VWA3B: variants seen among roughly 807,000 people sequenced by gnomAD.
VWA3B encodes the protein von Willebrand factor A domain containing 3B.
Under a neutral mutation model 158.3 loss-of-function variants are expected in VWA3B, and 138 were observed. The ratio of observed to expected loss-of-function variants is 0.87; its 90% CI spans 0.76 to 1.00. The LOEUF (loss-of-function observed/expected upper bound fraction) is 1.00, where lower values mean the gene tolerates loss of function less well. Ranked by LOEUF, VWA3B falls within the 50% of genes least tolerant of loss-of-function variation. VWA3B has a pLI of 0.00. For missense variants in VWA3B, 1,555 were observed against 1,565.1 expected (o/e 0.99, Z 0.11); for synonymous variants, 596 against 587.3 (o/e 1.01, Z -0.21).
Position 98,217,844 on chromosome 2 carries a change from A to C in VWA3B, c.1837-2A>C, listed in dbSNP as rs769736875. On this transcript the variant is annotated splice_acceptor_variant, in intron 13 of 27. Coordinates refer to ENST00000477737, the MANE Select transcript of VWA3B (RefSeq NM_144992.5). LOFTEE classifies it high-confidence loss of function. ...CCCCATCCCCAAAACTTATCGTTTC[A>C]GCCACCTGAAACAGTTATAGACCAG... 1 of 1,573,280 alleles carries C rather than the reference A, an allele frequency of 6.4e-7. No individual in the cohort carries two copies. The highest frequency in any genetic ancestry group is 8.6e-7 in the Non-Finnish European group (1 of 1,165,176).
chr2:98,233,042 C>T (rs982480836), intron 16 of VWA3B, among the ~76,000 whole-genome samples: 4 of 152,210 alleles, frequency 2.6e-5, no homozygotes, highest in Non-Finnish European at 4.4e-5. Context: ...GGAGCAGCAT[C>T]GTACATGGGA....
chr2:98,237,300 GGTCAGA>G, intron 19 of VWA3B, among the ~76,000 whole-genome samples: 1 of 152,302 alleles, frequency 6.6e-6, no homozygotes, highest in South Asian at 2.1e-4. Flanking sequence ...GAAAACTCTA[GGTCAGA>G]GTCATGAGTG....
chr2:98,228,096 G>T, intron 14 of VWA3B, 106 bp from the exon 15 acceptor site: 1 of 1,312,146 alleles, frequency 7.6e-7, no homozygotes, highest in Non-Finnish European at 1.0e-6. Flanking sequence ...CAAGACCAGC[G>T]TGGGCAACAT....
At chr2:98,123,667 G>A (rs1675141930) in intron 5 of VWA3B, among the ~76,000 whole-genome samples, 1 of 152,172 alleles carries the variant, frequency 6.6e-6, no homozygotes, top group Non-Finnish European at 1.5e-5. Context: ...GGCAGCACGT[G>A]GGGTCCTGGG....
chr2:98,216,982 A>ACCCCCCCCCCCCCCCCCC (rs139373261), intron 13 of VWA3B: 1 of 972,856 alleles, frequency 1.0e-6, no homozygotes, highest in African/African-American at 1.8e-5. Context: ...CATTGTAAGC[A>ACCCCCCCCCCCCCCCCCC]CCCGCCCCGC....
In VWA3B at chr2:98,228,260, A is replaced by G. The variant is rs1029237025; in HGVS notation, c.2078A>G (p.Lys693Arg). ...EMEQGHSDLE[K>R]MQDLYSESLI... ...GAACAGGGTCACAGTGATCTGGAGA[A>G]GATGCAAGACCTTTATTCTGAGTCC... Residue 693 changes from lysine to arginine, a missense_variant, in exon 15 of 28, where the codon AAG (lysine) becomes AGG (arginine). Lys to Arg is a conservative substitution (Grantham distance 26, BLOSUM62 2). Transcript: ENST00000477737. The G allele has an allele frequency of 2.5e-6, 4 of 1,614,030 alleles. No individual in the cohort carries two copies. Among genetic ancestry groups the G allele is most frequent in the Non-Finnish European group, 3.4e-6 (4 of 1,180,010 alleles).
intron 23 of VWA3B, chr2:98,291,604 T>A (rs1689496990): frequency 6.6e-6 from 1 of 152,224 alleles, no homozygotes; most frequent in African/African-American, 2.4e-5. Flanking sequence ...CACAATCACA[T>A]TTGAAGTTTT....
intron 2 of VWA3B, among the ~76,000 whole-genome samples, chr2:98,114,166 A>T (rs1674351556): frequency 6.6e-6 from 1 of 152,216 alleles, no homozygotes; most frequent in Admixed American, 6.5e-5. Flanking sequence ...CTGTTACTGG[A>T]TGCAGAACTC....
chr2:98,236,880 A>G, intron 19 of VWA3B, 150 bp downstream of exon 19: 2 of 1,191,492 alleles, frequency 1.7e-6, no homozygotes, highest in Admixed American at 2.6e-5. Context: ...AGGGAGAGAG[A>G]GAGGCTTTTA....
chr2:98,139,851 C>T (rs984311239), intron 7 of VWA3B, among the ~76,000 whole-genome samples: 1 of 152,160 alleles, frequency 6.6e-6, no homozygotes, highest in Non-Finnish European at 1.5e-5. Context: ...CCCTCAGGTC[C>T]CCTCAGGCTG....
intron 23 of VWA3B, chr2:98,290,831 G>T (rs892134934): frequency 4.3e-6 from 2 of 465,624 alleles, no homozygotes; most frequent in Non-Finnish European, 3.8e-6. Context: ...CCAGAAAAAT[G>T]CACTTATTTT....
chr2:98,228,222 A>G lies in VWA3B; in HGVS notation c.2040A>G (p.Leu680=). 1 of 1,613,274 alleles carries G rather than the reference A, an allele frequency of 6.2e-7. No individual in the cohort carries two copies. Among genetic ancestry groups the G allele is most frequent in the Non-Finnish European group, 8.5e-7 (1 of 1,179,726 alleles). ...GGCAGAATGAAGATCTGACTCTTTT[A>G]GTTAAGGAAATGGAACAGGGTCACA... is the stretch of plus-strand genomic sequence containing the variant. ...EAVQNEDLTL[L]VKEMEQGHSD... is the part of the protein sequence containing the mutation. The change falls in exon 15 of 28, where the codon TTA becomes TTG. Residue 680 remains leucine, a synonymous_variant. Coordinates refer to ENST00000477737, the MANE Select transcript of VWA3B (RefSeq NM_144992.5).
At chr2:98,174,717 C>G (rs1679865360) in intron 8 of VWA3B, among the ~76,000 whole-genome samples, 1 of 152,126 alleles carries the variant, frequency 6.6e-6, no homozygotes, top group African/African-American at 2.4e-5. Flanking sequence ...TGTGGGCATG[C>G]CCAGGCTATG....
chr2:98,181,000 A>G lies in VWA3B; in HGVS notation c.1115-16A>G. 1 of 1,612,836 alleles carries G rather than the reference A, an allele frequency of 6.2e-7. No individual in the cohort carries two copies. On this transcript the variant is annotated splice_polypyrimidine_tract_variant and intron_variant, in intron 8 of 27. Transcript: ENST00000477737. ...GCTCATGCAGTATGAATGGCTGACA[A>G]GCTGTGATTCTACAGAGTCAGAAAC... is the stretch of plus-strand genomic sequence containing the variant.
chr2:98,282,290 CTG>C (rs1320416321), intron 22 of VWA3B, among the ~76,000 whole-genome samples: 1 of 152,162 alleles, frequency 6.6e-6, no homozygotes. Flanking sequence ...GTTCAACTGA[CTG>C]TGCCATGATG....
chr2:98,187,862 G>A (rs1160896348), intron 9 of VWA3B, 113 bp from the exon 10 acceptor site: 53 of 1,093,026 alleles, frequency 4.8e-5, no homozygotes, highest in East Asian at 8.5e-5. Flanking sequence ...AATGATTGAC[G>A]GTAGAGTGGA....
In VWA3B at chr2:98,119,584, G is replaced by A; in HGVS notation, c.363G>A (p.Gln121=). The A allele has an allele frequency of 6.2e-7, 1 of 1,614,156 alleles. No homozygotes were observed. Residue 121 remains glutamine, a synonymous_variant, in exon 4 of 28, where the codon CAG becomes CAA. Transcript: ENST00000477737. ...HLTQAVESYK[Q]RMDWLTSKSR... ...CACAAGCTGTGGAGAGCTACAAGCA[G>A]CGAATGGACTGGCTCACCAGCAAGA... is the stretch of plus-strand genomic sequence containing the variant.
chr2:98,189,763 A>C (rs1442791863), intron 10 of VWA3B, among the ~76,000 whole-genome samples: 1 of 152,188 alleles, frequency 6.6e-6, no homozygotes, highest in African/African-American at 2.4e-5. Context: ...ATGTACATTT[A>C]AGATTGTTAT....
intron 16 of VWA3B, among the ~76,000 whole-genome samples, chr2:98,234,224 C>T (rs932912044): frequency 6.6e-6 from 1 of 152,224 alleles, no homozygotes; most frequent in African/African-American, 2.4e-5. Flanking sequence ...CTATTTCCAG[C>T]TGGTGGCAGA....
Sources: gnomAD v4.1 joint callset for allele counts (sites outside exome capture counted in the v4.1 genomes callset) on GRCh38, gnomAD v4.1.1 for gene constraint, MANE v1.5 for transcripts, NCBI Gene and HGNC (gene_info 2026-07-23, HGNC 2026-07-21) for gene names.